The following MYO18B variants were observed in gnomAD, a reference collection of about 807,000 sequenced individuals.
MYO18B encodes unconventional myosin-XVIIIb.
MYO18B carries 204 observed loss-of-function variants against 273.0 expected under a neutral mutation model. The ratio of observed to expected loss-of-function variants is 0.75; its 90% CI spans 0.67 to 0.84. The LOEUF (loss-of-function observed/expected upper bound fraction) is 0.84, where lower values mean the gene tolerates loss of function less well. Among genes scored for constraint, MYO18B ranks in the 40% least tolerant of loss-of-function variants. MYO18B has a pLI of 0.00. For missense variants in MYO18B, 3,212 were observed against 3,287.6 expected, an observed-to-expected ratio of 0.98 and a Z score of 0.56; for synonymous variants, 1,330 against 1,305.7, an observed-to-expected ratio of 1.02 and a Z score of -0.40.
At chr22:25,781,687 A>G (rs1438520752) in intron 9 of MYO18B, 47 bp from the exon 10 acceptor site, 3 of 1,304,522 alleles carry the variant, frequency 2.3e-6, no homozygotes, top group South Asian at 1.6e-5. Context: ...AGGCATGTGC[A>G]GATGTACCCA....
intron 21 of MYO18B, among the ~76,000 whole-genome samples, chr22:25,863,169 A>G (rs1170370422): frequency 6.6e-6 from 1 of 152,188 alleles, no homozygotes; most frequent in East Asian, 1.9e-4. Context: ...GGATCTTTTA[A>G]AAATAATTTC....
intron 11 of MYO18B, among the ~76,000 whole-genome samples, chr22:25,795,912 G>C (rs1029118158): frequency 4.6e-5 from 7 of 151,940 alleles, no homozygotes; most frequent in Non-Finnish European, 1.0e-4. Flanking sequence ...CCTGCTTCTA[G>C]TCTTGTATCT....
At chr22:25,857,791 C>T (rs555426017) in intron 21 of MYO18B, among the ~76,000 whole-genome samples, 17 of 152,176 alleles carry the variant, frequency 1.1e-4, no homozygotes, top group Non-Finnish European at 2.1e-4. Context: ...GTAGCTGGGA[C>T]TACAGGCATG....
intron 40 of MYO18B, among the ~76,000 whole-genome samples, chr22:25,997,898 A>G (rs1039438075): frequency 2.6e-5 from 4 of 151,164 alleles, no homozygotes; most frequent in Non-Finnish European, 5.9e-5. Context: ...CAGAGTTCTC[A>G]ATTATAATAA....
the MYO18B span, among the ~76,000 whole-genome samples, chr22:26,039,750 T>C: frequency 6.6e-6 from 1 of 152,200 alleles, no homozygotes; most frequent in African/African-American, 2.4e-5. Flanking sequence ...CAGTGTACAC[T>C]GTACCCAATA....
intron 33 of MYO18B, among the ~76,000 whole-genome samples, chr22:25,913,389 A>C (rs2146399582): frequency 6.8e-6 from 1 of 147,940 alleles, no homozygotes; most frequent in Middle Eastern, 3.5e-3. Context: ...TTTGAGACGG[A>C]GTCTCGCTCT....
At chr22:25,830,981 T>C (rs140264233) in intron 15 of MYO18B, among the ~76,000 whole-genome samples, 9 of 152,366 alleles carry the variant, frequency 5.9e-5, no homozygotes, top group Middle Eastern at 6.8e-3. Flanking sequence ...ATCAATGTAA[T>C]ACATTTTTAA....
chr22:25,916,153 G>A (rs541211617), intron 33 of MYO18B, among the ~76,000 whole-genome samples: 6 of 151,980 alleles, frequency 3.9e-5, no homozygotes, highest in East Asian at 1.9e-4. Flanking sequence ...GTATTTTCTC[G>A]TTATTTAAAA....
At chr22:25,910,257 A>T (rs1183589421) in intron 32 of MYO18B, among the ~76,000 whole-genome samples, 11 of 152,186 alleles carry the variant, frequency 7.2e-5, no homozygotes, top group African/African-American at 2.7e-4. Flanking sequence ...GTGCTGGCAG[A>T]TTCAGTGTCT....
intron 1 of MYO18B, among the ~76,000 whole-genome samples, chr22:25,744,408 G>C (rs913946806): frequency 6.6e-6 from 1 of 152,198 alleles, no homozygotes; most frequent in African/African-American, 2.4e-5. Flanking sequence ...CACATGGTCA[G>C]CTGCTGTGGT....
Position 25,768,763 on chromosome 22 carries a change from GAGA to G in MYO18B, c.850_852del (p.Lys284del). On this transcript the variant is annotated inframe_deletion, in exon 4 of 44. Transcript: ENST00000335473. ...CGAGGGGGTGCGACCAGGGAAAGCAGAGAAGGAGGGAGCAGAGCCCACAAACAC... is the reference window on the plus strand; with the variant it reads ...CGAGGGGGTGCGACCAGGGAAAGCAGAGGAGGGAGCAGAGCCCACAAACAC... 4 of 1,607,650 alleles carry G rather than the reference GAGA, an allele frequency of 2.5e-6. No individual in the cohort carries two copies. Among genetic ancestry groups the G allele is most frequent in the African/African-American group, 1.3e-5 (1 of 74,962 alleles).
At chr22:25,890,138 TTATG>T (rs1050294591) in intron 25 of MYO18B, among the ~76,000 whole-genome samples, 14 of 152,214 alleles carry the variant, frequency 9.2e-5, no homozygotes, top group African/African-American at 3.4e-4. Context: ...TTTTATAAGT[TTATG>T]TAGTAGCTAA....
At chr22:25,756,581 AAG>A (rs965835259) in intron 1 of MYO18B, 3 of 152,364 alleles carry the variant, frequency 2.0e-5, no homozygotes, top group Non-Finnish European at 4.4e-5. Context: ...CAGACTTGGA[AAG>A]AGATGTTCAC....
At chr22:25,782,401 C>G (rs1403522931) in intron 10 of MYO18B, among the ~76,000 whole-genome samples, 2 of 152,174 alleles carry the variant, frequency 1.3e-5, no homozygotes, top group South Asian at 2.1e-4. Context: ...TGAGGTTCCT[C>G]AGGATGGACC....
At chr22:25,846,399 C>A (rs1262534069) in intron 19 of MYO18B, 116 bp downstream of exon 19, 2 of 1,126,250 alleles carry the variant, frequency 1.8e-6, no homozygotes, top group African/African-American at 1.6e-5. Context: ...GCCAGAGGGG[C>A]GAGTGTCACC....
intron 39 of MYO18B, among the ~76,000 whole-genome samples, chr22:25,979,287 T>C (rs2093125398): frequency 6.6e-6 from 1 of 152,176 alleles, no homozygotes; most frequent in Non-Finnish European, 1.5e-5. Flanking sequence ...GGCAGTATGA[T>C]GTGGGAAGTG....
intron 39 of MYO18B, among the ~76,000 whole-genome samples, chr22:25,971,136 A>T (rs1049131455): frequency 6.6e-6 from 1 of 152,208 alleles, no homozygotes; most frequent in Non-Finnish European, 1.5e-5. Flanking sequence ...GCAGCCCTAG[A>T]CATTATGCAA....
At chr22:25,862,972 A>G (rs746093169) in intron 21 of MYO18B, among the ~76,000 whole-genome samples, 14 of 151,990 alleles carry the variant, frequency 9.2e-5, no homozygotes, top group Admixed American at 2.6e-4. Context: ...TTTGCCATAC[A>G]TATCTCTGAG....
At chr22:25,925,405 T>A (rs2092405461) in intron 34 of MYO18B, among the ~76,000 whole-genome samples, 1 of 152,136 alleles carries the variant, frequency 6.6e-6, no homozygotes, top group African/African-American at 2.4e-5. Context: ...GTCACTGAGG[T>A]TATATTAGTG....
Sources: gnomAD v4.1 joint callset for allele counts (sites outside exome capture counted in the v4.1 genomes callset) on GRCh38, gnomAD v4.1.1 for gene constraint, MANE v1.5 for transcripts, NCBI Gene and HGNC (gene_info 2026-07-23, HGNC 2026-07-21) for gene names.